NLGN4X: variants seen among roughly 807,000 people sequenced by gnomAD.
NLGN4X encodes the protein neuroligin-4, X-linked.
Under a neutral mutation model 40.3 loss-of-function variants are expected in NLGN4X, and 3 were observed. That is an observed-to-expected ratio of 0.07 (90% confidence interval 0.03 to 0.19). The LOEUF (loss-of-function observed/expected upper bound fraction) is 0.19. Among genes scored for constraint, NLGN4X ranks in the 10% least tolerant of loss-of-function variants. The probability of loss-of-function intolerance (pLI) is 1.00; values close to 1 mark genes in which losing one functional copy is unlikely to be tolerated. For synonymous variants in NLGN4X, 270 were observed against 306.8 expected (o/e 0.88, Z 1.25); for missense variants, 382 against 708.3 (o/e 0.54, Z 5.23).
chrX:6,211,174 G>T (rs1924571275), intron 1 of NLGN4X, among the ~76,000 whole-genome samples: 1 of 111,673 alleles, frequency 9.0e-6, no homozygotes. Context: ...AAGGTTTCAA[G>T]TGAATACAAA....
chrX:6,130,364 T>C (rs4826710), intron 2 of NLGN4X, among the ~76,000 whole-genome samples: 27,732 of 110,941 alleles, frequency 0.25, 2,700 homozygotes, highest in South Asian at 0.42. Context: ...ACTGTTGTTG[T>C]TACTATAAAA....
chrX:6,175,399 A>G (rs1404389677), intron 1 of NLGN4X, among the ~76,000 whole-genome samples: 3 of 110,462 alleles, frequency 2.7e-5, no homozygotes, highest in African/African-American at 9.9e-5. Flanking sequence ...ACCAGTTCCA[A>G]TATTTCTCAA....
At chrX:6,143,793 T>C (rs981273772) in intron 2 of NLGN4X, among the ~76,000 whole-genome samples, 7 of 112,239 alleles carry the variant, frequency 6.2e-5, no homozygotes, top group African/African-American at 2.3e-4. Flanking sequence ...CAGACCAGTC[T>C]GGGCAACATA....
At chrX:5,905,642 T>C (rs572329464) in intron 4 of NLGN4X, among the ~76,000 whole-genome samples, 2 of 112,288 alleles carry the variant, frequency 1.8e-5, no homozygotes, top group African/African-American at 6.5e-5. Context: ...CATTAGACCA[T>C]ATAACCAGGC....
At chrX:6,005,496 T>G (rs1358541846) in intron 3 of NLGN4X, among the ~76,000 whole-genome samples, 1 of 111,001 alleles carries the variant, frequency 9.0e-6, no homozygotes, top group Non-Finnish European at 1.9e-5. Flanking sequence ...CAGCCCTGGG[T>G]TGTCTTCACT....
intron 2 of NLGN4X, among the ~76,000 whole-genome samples, chrX:6,097,256 T>C (rs200979687): frequency 1.1e-5 from 1 of 92,058 alleles, no homozygotes. Context: ...TTTTTCCTTA[T>C]TTGTTTTCAT....
At chrX:6,003,880 C>T (rs2036035043) in intron 3 of NLGN4X, among the ~76,000 whole-genome samples, 2 of 111,234 alleles carry the variant, frequency 1.8e-5, no homozygotes, top group African/African-American at 6.5e-5. Context: ...TAGATGCTGC[C>T]GTGGGGCTGG....
At chrX:6,060,903 G>A (rs963485096) in intron 2 of NLGN4X, among the ~76,000 whole-genome samples, 1 of 111,470 alleles carries the variant, frequency 9.0e-6, no homozygotes, top group Non-Finnish European at 1.9e-5. Context: ...CTTGTATGTT[G>A]TATTATTGTG....
chrX:5,914,551 C>G (rs1473884857), intron 3 of NLGN4X, among the ~76,000 whole-genome samples: 1 of 109,543 alleles, frequency 9.1e-6, no homozygotes, highest in Non-Finnish European at 1.9e-5. Flanking sequence ...AGTTAAATAT[C>G]TTTCACCATT....
At chrX:6,095,093 A>G (rs66673348) in intron 2 of NLGN4X, among the ~76,000 whole-genome samples, 1,563 of 23,322 alleles carry the variant, frequency 0.067, 13 homozygotes, top group African/African-American at 0.091. Context: ...GGCTTTAAGT[A>G]CGTGCGTGCG....
intron 3 of NLGN4X, among the ~76,000 whole-genome samples, chrX:6,000,244 C>T (rs1014722535): frequency 8.9e-6 from 1 of 112,167 alleles, no homozygotes; most frequent in South Asian, 3.7e-4. Context: ...TTAAAATTAA[C>T]TCCCACTGAA....
intron 3 of NLGN4X, among the ~76,000 whole-genome samples, chrX:6,015,132 C>T (rs897359173): frequency 8.0e-5 from 9 of 111,915 alleles, no homozygotes; most frequent in Middle Eastern, 4.2e-3. Context: ...GTGTATTTTA[C>T]GATACTTGTC....
intron 1 of NLGN4X, among the ~76,000 whole-genome samples, chrX:6,183,526 G>A (rs893843205): frequency 1.5e-4 from 16 of 108,441 alleles, no homozygotes; most frequent in Non-Finnish European, 2.9e-4. Context: ...CAGCCTGGAC[G>A]AGAGAGCAAG....
At chrX:6,035,945 C>T (rs1161389491) in intron 2 of NLGN4X, among the ~76,000 whole-genome samples, 1 of 111,890 alleles carries the variant, frequency 8.9e-6, no homozygotes, top group East Asian at 2.8e-4. Context: ...TGATAATTAG[C>T]TGTTTATGTT....
intron 3 of NLGN4X, among the ~76,000 whole-genome samples, chrX:5,955,290 C>T (rs1026614091): frequency 2.7e-5 from 3 of 111,760 alleles, no homozygotes; most frequent in African/African-American, 6.5e-5. Flanking sequence ...CAGTAGCTGA[C>T]GTGTCAGGTA....
chrX:6,012,010 T>C (rs2036266161), intron 3 of NLGN4X, among the ~76,000 whole-genome samples: 1 of 112,356 alleles, frequency 8.9e-6, no homozygotes, highest in Admixed American at 9.4e-5. Context: ...TAAGACCCTT[T>C]TTTAAAACCT....
Position 5,893,202 on chromosome X carries a change from T to C in NLGN4X, c.2066A>G (p.Asn689Ser). ...IAVGASLLFL[N>S]ILAFAALYYK... ...GTACAGCGCCGCAAAAGCTAAGATGTTGAGGAAGAGGAGCGACGCCCCGAC... is the reference window on the plus strand; with the variant it reads ...GTACAGCGCCGCAAAAGCTAAGATGCTGAGGAAGAGGAGCGACGCCCCGAC... The change falls in exon 6 of 6, where the codon AAC (asparagine) becomes AGC (serine). Residue 689 changes from asparagine (N) to serine (S), a missense_variant. Physicochemically the swap from Asn to Ser is conservative, Grantham distance 46. Coordinates refer to ENST00000381095, the MANE Select transcript of NLGN4X (RefSeq NM_181332.3). The C allele has an allele frequency of 8.3e-7, 1 of 1,211,408 alleles. No individual in the cohort carries two copies. Among genetic ancestry groups the C allele is most frequent in the African/African-American group, 1.7e-5 (1 of 57,648 alleles).
intron 2 of NLGN4X, among the ~76,000 whole-genome samples, chrX:6,053,538 G>C (rs769307603): frequency 1.5e-4 from 17 of 111,179 alleles, no homozygotes; most frequent in African/African-American, 5.6e-4. Flanking sequence ...GGGGAAGAGA[G>C]AGCTTTTTTA....
At chrX:6,198,063 C>CA (rs555036899) in intron 1 of NLGN4X, among the ~76,000 whole-genome samples, 1,498 of 94,619 alleles carry the variant, frequency 0.016, 38 homozygotes, top group African/African-American at 0.054. Context: ...AGCCCTGTCT[C>CA]AAAAAACAAA....
Sources: allele counts gnomAD v4.1 joint callset (sites outside exome capture counted in the v4.1 genomes callset), GRCh38; gene constraint gnomAD v4.1.1; transcripts MANE v1.5; gene names NCBI Gene and HGNC (gene_info 2026-07-23, HGNC 2026-07-21).